CNTNAP2: variants seen among roughly 807,000 people sequenced by gnomAD.
The protein encoded by CNTNAP2 is contactin associated protein 2, also known as contactin-associated protein-like 2.
CNTNAP2 carries 98 observed loss-of-function variants against 155.2 expected under a neutral mutation model. That is an observed-to-expected ratio of 0.63 (90% CI 0.54 to 0.75). The LOEUF is 0.75. Ranked by LOEUF, CNTNAP2 falls within the 30% of genes least tolerant of loss-of-function variation. The pLI is 0.00. For missense variants in CNTNAP2, 1,727 were observed against 1,688.1 expected, an observed-to-expected ratio of 1.02 and a Z score of -0.40; for synonymous variants, 651 against 631.2, an observed-to-expected ratio of 1.03 and a Z score of -0.47.
At chr7:147,185,796 TG>T (rs1239041149) in intron 8 of CNTNAP2, among the ~76,000 whole-genome samples, 5 of 152,264 alleles carry the variant, frequency 3.3e-5, no homozygotes, top group African/African-American at 1.2e-4. Context: ...GGGAGGTACC[TG>T]GTGGGAGGTA....
At chr7:146,873,761 A>G (rs1051382721) in intron 3 of CNTNAP2, among the ~76,000 whole-genome samples, 3 of 152,140 alleles carry the variant, frequency 2.0e-5, no homozygotes, top group African/African-American at 4.8e-5. Context: ...TATAATGATT[A>G]CAATTTGAGG....
chr7:146,622,727 C>G (rs1053907453), intron 1 of CNTNAP2, among the ~76,000 whole-genome samples: 1 of 151,976 alleles, frequency 6.6e-6, no homozygotes, highest in Non-Finnish European at 1.5e-5. Flanking sequence ...GAGGCCGAGG[C>G]AGGCGGATCA....
intron 1 of CNTNAP2, among the ~76,000 whole-genome samples, chr7:146,269,206 G>GGCAC (rs1474127421): frequency 6.6e-6 from 1 of 152,166 alleles, no homozygotes; most frequent in Non-Finnish European, 1.5e-5. Context: ...CAGGCACGGT[G>GGCAC]GCACGCGCCT....
At chr7:147,341,269 C>G (rs1795757506) in intron 9 of CNTNAP2, among the ~76,000 whole-genome samples, 1 of 151,784 alleles carries the variant, frequency 6.6e-6, no homozygotes, top group South Asian at 2.1e-4. Context: ...AGGAGAACAT[C>G]ACATACCGGG....
In CNTNAP2 at chr7:147,520,736, G is replaced by T. The variant is rs550609296; in HGVS notation, c.1777+34695G>T. Among the ~76,000 whole-genome samples the T allele has an allele frequency of 1.2e-4, 19 of 152,272 alleles. No homozygotes were observed. In the South Asian group the frequency reaches 3.1e-3, roughly 25 times the overall value. ...AGTTAGAACCTTTCTATAAGACTTT[G>T]TATTTTACTTTCCAGAAAATTCCAA... On this transcript the variant is annotated intron_variant, in intron 11 of 23. Coordinates refer to ENST00000361727, the MANE Select transcript of CNTNAP2 (RefSeq NM_014141.6).
chr7:147,138,188 A>G (rs1029031058), intron 8 of CNTNAP2, among the ~76,000 whole-genome samples: 5 of 151,904 alleles, frequency 3.3e-5, no homozygotes, highest in Non-Finnish European at 7.4e-5. Context: ...ATGGCTCTGT[A>G]TTCTTAGGGC....
intron 1 of CNTNAP2, among the ~76,000 whole-genome samples, chr7:146,170,697 A>T (rs1437001232): frequency 1.3e-5 from 2 of 152,166 alleles, no homozygotes; most frequent in African/African-American, 4.8e-5. Flanking sequence ...AACAATTAAA[A>T]CTAACTGACA....
intron 13 of CNTNAP2, among the ~76,000 whole-genome samples, chr7:147,825,267 G>A (rs997838402): frequency 3.9e-5 from 6 of 152,166 alleles, no homozygotes; most frequent in Non-Finnish European, 7.4e-5. Context: ...GATATCCTGA[G>A]CAGTGCTTCT....
At chr7:146,813,055 A>G (rs1803096857) in intron 2 of CNTNAP2, among the ~76,000 whole-genome samples, 1 of 152,180 alleles carries the variant, frequency 6.6e-6, no homozygotes, top group Non-Finnish European at 1.5e-5. Context: ...AAATGCCTGG[A>G]TGTCTAGGCA....
intron 15 of CNTNAP2, among the ~76,000 whole-genome samples, chr7:148,107,031 C>T (rs948546514): frequency 6.6e-6 from 1 of 152,108 alleles, no homozygotes; most frequent in Non-Finnish European, 1.5e-5. Context: ...AATTGTAGAG[C>T]CCTAATGTGG....
intron 18 of CNTNAP2, among the ~76,000 whole-genome samples, chr7:148,176,211 C>CTTTTTTTTTTTTT (rs1188113801): frequency 1.1e-5 from 1 of 92,792 alleles, no homozygotes; most frequent in African/African-American, 4.3e-5. Context: ...CTTTCTTTCT[C>CTTTTTTTTTTTTT]TTTTTTTTTT....
At chr7:146,914,871 C>A (rs1796363296) in intron 3 of CNTNAP2, among the ~76,000 whole-genome samples, 1 of 151,218 alleles carries the variant, frequency 6.6e-6, no homozygotes, top group African/African-American at 2.4e-5. Context: ...CTTTTGGGTT[C>A]TTGGTCATGA....
chr7:146,452,710 T>A (rs111624519), intron 1 of CNTNAP2, among the ~76,000 whole-genome samples: 3,895 of 152,318 alleles, frequency 0.026, 69 homozygotes, highest in Middle Eastern at 0.051. Context: ...ACTTAACATT[T>A]GCCATTCTGT....
chr7:148,026,164 A>G (rs563348254), intron 15 of CNTNAP2, among the ~76,000 whole-genome samples: 16 of 152,288 alleles, frequency 1.1e-4, no homozygotes, highest in African/African-American at 3.8e-4. Context: ...TTTAAAAAAT[A>G]CTAGCCAGGT....
chr7:146,854,935 G>T (rs1441396438), intron 3 of CNTNAP2, among the ~76,000 whole-genome samples: 1 of 151,880 alleles, frequency 6.6e-6, no homozygotes, highest in African/African-American at 2.4e-5. Flanking sequence ...TCTTATTTTT[G>T]TATTATAATT....
Position 146,571,121 on chromosome 7 carries a change from T to A in CNTNAP2, c.98-203150T>A, listed in dbSNP as rs538638621. ...AAGATGTCTTCTGAATATTCTGGAA[T>A]CTGTTTTGACTCATCGGCTCTATTA... On this transcript the variant is annotated intron_variant, in intron 1 of 23. Transcript: ENST00000361727. Among the ~76,000 whole-genome samples, 36 of 152,260 alleles carry A rather than the reference T, an allele frequency of 2.4e-4. No homozygotes were observed. In the South Asian group the frequency reaches 7.0e-3, roughly 30 times the overall value.
At chr7:148,063,395 A>C (rs2116516562) in intron 15 of CNTNAP2, among the ~76,000 whole-genome samples, 1 of 151,964 alleles carries the variant, frequency 6.6e-6, no homozygotes, top group South Asian at 2.1e-4. Flanking sequence ...CATTATACAT[A>C]TTGTACCACT....
intron 1 of CNTNAP2, among the ~76,000 whole-genome samples, chr7:146,417,766 A>C (rs971251972): frequency 2.0e-5 from 3 of 152,172 alleles, no homozygotes; most frequent in African/African-American, 7.2e-5. Flanking sequence ...TTAGTATATA[A>C]AATTATATAT....
chr7:147,636,965 C>A (rs1795191229), intron 12 of CNTNAP2, among the ~76,000 whole-genome samples: 1 of 152,066 alleles, frequency 6.6e-6, no homozygotes, highest in Non-Finnish European at 1.5e-5. Flanking sequence ...AAGGAAGCAG[C>A]AGGTGCAGAG....
Sources: gnomAD v4.1 joint callset for allele counts (sites outside exome capture counted in the v4.1 genomes callset) on GRCh38, gnomAD v4.1.1 for gene constraint, MANE v1.5 for transcripts, NCBI Gene and HGNC (gene_info 2026-07-23, HGNC 2026-07-21) for gene names.